Variants in EIF4G1 observed in about 807,000 individuals in gnomAD.
EIF4G1 encodes EIF4-gamma.
In EIF4G1, 4 loss-of-function variants were observed where a neutral mutation model predicts 187.8. The observed-to-expected ratio is 0.02, with a 90% confidence interval of 0.01 to 0.05. EIF4G1 has a LOEUF of 0.05. EIF4G1 is among the 10% of genes least tolerant of loss of function. The pLI, the probability that EIF4G1 is intolerant of heterozygous loss-of-function variation, is 1.00. For synonymous variants in EIF4G1, 844 were observed against 781.4 expected (o/e 1.08, Z -1.34); for missense variants, 1,647 against 2,081.1 (o/e 0.79, Z 4.06).
Position 184,326,891 on chromosome 3 carries a change from T to C in EIF4G1, c.3336T>C (p.Ala1112=). 1 of 1,614,248 alleles carries C rather than the reference T, an allele frequency of 6.2e-7. No homozygotes were observed. ...GAKPSDAASE[A]ARPATSTLNR... Reference sequence around the variant, plus strand: ...TTTCTGCATCCCCAGCATCAGAAGCTGCTCGCCCAGCTACTAGTACTTTGA... The same window carrying C: ...TTTCTGCATCCCCAGCATCAGAAGCCGCTCGCCCAGCTACTAGTACTTTGA... Residue 1112 remains alanine, a synonymous_variant, in exon 23 of 33, where the codon GCT becomes GCC. Transcript: ENST00000346169.
intron 6 of EIF4G1, among the ~76,000 whole-genome samples, chr3:184,318,853 C>A (rs1283153410): frequency 2.6e-5 from 4 of 152,128 alleles, no homozygotes; most frequent in African/African-American, 9.7e-5. Context: ...GATCCACCTG[C>A]CTCAGCCTCC....
At chr3:184,333,866 G>A (rs548076694) in intron 32 of EIF4G1, among the ~76,000 whole-genome samples, 3 of 152,214 alleles carry the variant, frequency 2.0e-5, no homozygotes, top group Non-Finnish European at 4.4e-5. Context: ...GGGTGGGTAT[G>A]TGTGGGATTT....
rs745578162 is a variant in EIF4G1, at chr3:184,327,374, A to C, written c.3587A>C (p.Glu1196Ala). Reference protein sequence around the residue: ...FSKEVEERSRERPSQPEGLRK... With the variant: ...FSKEVEERSRARPSQPEGLRK... ...AAGGAAGTGGAGGAGCGGAGTAGAG[A>C]ACGGCCCTCCCAGCCTGAGGGGCTG... Residue 1196 changes from glutamate to alanine, a missense_variant, in exon 24 of 33, where the codon GAA (glutamate) becomes GCA (alanine). Physicochemically the swap from Glu to Ala is moderately radical, Grantham distance 107. Transcript: ENST00000346169. 1 of 1,613,572 alleles carries C rather than the reference A, an allele frequency of 6.2e-7. No individual in the cohort carries two copies. Among genetic ancestry groups the C allele is most frequent in the South Asian group, 1.1e-5 (1 of 91,076 alleles).
intron 3 of EIF4G1, 114 bp from the exon 4 acceptor site, chr3:184,316,018 G>T: frequency 6.5e-7 from 1 of 1,546,268 alleles, no homozygotes; most frequent in Non-Finnish European, 8.7e-7. Flanking sequence ...ACGGGGAGGG[G>T]GTATGTGGAT....
chr3:184,317,337 G>A lies in EIF4G1; in HGVS notation c.164G>A (p.Arg55Gln). ...SQPRQHFYPS[R>Q]AQPPSSAASR... ...TCCTGACAGCACTTCTACCCTAGCC[G>A]GGCCCAGCCCCCGAGCAGTGCAGCC... The change falls in exon 5 of 33, where the codon CGG (arginine) becomes CAG (glutamine). Residue 55 changes from arginine (R) to glutamine (Q), a missense_variant. Around this residue, in one of 11 missense-constraint regions of EIF4G1, gnomAD observed 139 missense variants for 187.3 expected, o/e 0.74. Transcript: ENST00000346169. The A allele has an allele frequency of 1.9e-6, 3 of 1,614,032 alleles. No homozygotes were observed. Among genetic ancestry groups the A allele is most frequent in the Non-Finnish European group, 2.5e-6 (3 of 1,180,024 alleles).
At chr3:184,333,928 T>C (rs1726614928) in intron 32 of EIF4G1, among the ~76,000 whole-genome samples, 1 of 152,092 alleles carries the variant, frequency 6.6e-6, no homozygotes, top group African/African-American at 2.4e-5. Flanking sequence ...GGCCCATTGC[T>C]ATGGGGTGGG....
In EIF4G1 at chr3:184,328,748, G is replaced by A; in HGVS notation, c.4071G>A (p.Glu1357=). 2 of 1,614,190 alleles carry A rather than the reference G, an allele frequency of 1.2e-6. No individual in the cohort carries two copies. The highest frequency in any genetic ancestry group is 1.7e-6 in the Non-Finnish European group (2 of 1,180,038). The stretch of plus-strand genomic sequence containing the variant: ...AGGAAGGTGGGGTGCCCATGGGGGA[G>A]CTGTTCAGGTAAGTCCCCCTGGGTG... The part of the protein sequence containing the change: ...ILQEGGVPMG[E]LFREITKPLR... Residue 1357 remains glutamate (E), a synonymous_variant, in exon 27 of 33, where the codon GAG becomes GAA. Coordinates refer to ENST00000346169, the MANE Select transcript of EIF4G1 (RefSeq NM_198241.3).
At chr3:184,317,917 T>C (rs1448402713) in intron 6 of EIF4G1, 101 bp downstream of exon 6, 2 of 902,290 alleles carry the variant, frequency 2.2e-6, no homozygotes, top group Non-Finnish European at 3.6e-6. Context: ...GCTTGGCTTC[T>C]GGTCTAAAAA....
chr3:184,315,732 C>T, intron 2 of EIF4G1, 31 bp from the exon 3 acceptor site: 3 of 1,523,330 alleles, frequency 2.0e-6, no homozygotes, highest in Non-Finnish European at 2.7e-6. Flanking sequence ...TGGGTCCCTT[C>T]CTCTTCCTGA....
chr3:184,319,674 C>G lies in EIF4G1; in HGVS notation c.425-15C>G. 2 of 1,502,836 alleles carry G rather than the reference C, an allele frequency of 1.3e-6. No homozygotes were observed. The highest frequency in any genetic ancestry group is 2.4e-5 in the South Asian group (2 of 84,308). 93.1% of individuals were successfully genotyped at this position (1,502,836 alleles called of 1,614,324 possible). ...TGACGCTACCACCATTCTTCTCCGT[C>G]CCCCCTCCCCCAAGCTGGCGCCTAC... is the stretch of plus-strand genomic sequence containing the variant. On this transcript the variant is annotated splice_polypyrimidine_tract_variant and intron_variant, in intron 6 of 32. Coordinates refer to ENST00000346169, the MANE Select transcript of EIF4G1 (RefSeq NM_198241.3).
At position 184,327,920 on chromosome 3, in the gene EIF4G1, G is replaced by T. The variant is rs201890970; in HGVS notation, c.3871G>T (p.Ala1291Ser). 8.1e-6 allele frequency: 13 copies of T among 1,613,154 alleles called. No homozygotes were observed. The Admixed American group carries it at 2.0e-4, about 25-fold the overall frequency. The change falls in exon 26 of 33, where the codon GCC (alanine) becomes TCC (serine). Residue 1291 changes from alanine (A) to serine (S), a missense_variant. This residue lies in a region of EIF4G1 where 543 missense variants were observed against 638.0 expected (regional missense o/e 0.85). Coordinates refer to ENST00000346169, the MANE Select transcript of EIF4G1 (RefSeq NM_198241.3). Reference sequence around the variant, plus strand: ...TGTCGAGTCTACGCTGGAGCGCAGTGCCATTGCTCGTGAGCATATGGGGCA... The same window carrying T: ...TGTCGAGTCTACGCTGGAGCGCAGTTCCATTGCTCGTGAGCATATGGGGCA... ...HGVESTLERS[A>S]IAREHMGQLL...
chr3:184,329,010 C>G lies in EIF4G1; in HGVS notation c.4161+20C>G. The G allele has an allele frequency of 6.2e-7, 1 of 1,613,692 alleles. No homozygotes were observed. Among genetic ancestry groups the G allele is most frequent in the South Asian group, 1.1e-5 (1 of 91,016 alleles). On this transcript the variant is annotated intron_variant, in intron 28 of 32. Coordinates refer to ENST00000346169, the MANE Select transcript of EIF4G1 (RefSeq NM_198241.3). ...AGCATGGTGAGTGAGGGCCAGGAGT[C>G]CAGAGATGCCTCCCACGGTGTGGTT...
Position 184,323,699 on chromosome 3 carries a change from A to AGTGGTG in EIF4G1, c.2275-81_2275-80insGTGGTG, listed in dbSNP as rs1724321360. 6.2e-7 allele frequency: 1 copy of AGTGGTG among 1,609,638 alleles called. No homozygotes were observed. Among genetic ancestry groups the AGTGGTG allele is most frequent in the Non-Finnish European group, 8.5e-7 (1 of 1,178,146 alleles). On this transcript the variant is annotated intron_variant, in intron 15 of 32. Coordinates refer to ENST00000346169, the MANE Select transcript of EIF4G1 (RefSeq NM_198241.3). This position sits in a 1 kb window ranked among gnomAD's most constrained non-coding sequence, Gnocchi z 6.9. The stretch of plus-strand genomic sequence containing the variant: ...CTTATCACTAGCATCTGTCATGCCT[A>AGTGGTG]AGTCCCCACCACCCTCTCCTGTCCC...
chr3:184,326,347 G>C (rs910386664), intron 21 of EIF4G1, among the ~76,000 whole-genome samples, 180 bp from the exon 22 acceptor site: 3 of 152,222 alleles, frequency 2.0e-5, no homozygotes, highest in African/African-American at 4.8e-5. Flanking sequence ...ATCATCTACA[G>C]CTGGTTTCAT....
At chr3:184,326,385 A>C in intron 21 of EIF4G1, 142 bp from the exon 22 acceptor site, 1 of 798,988 alleles carries the variant, frequency 1.3e-6, no homozygotes, top group East Asian at 2.6e-5. Context: ...GAGTAGTTGC[A>C]ATAGAGACTG....
chr3:184,320,788 C>T (rs1055156497), intron 8 of EIF4G1, 66 bp downstream of exon 8: 3 of 1,610,688 alleles, frequency 1.9e-6, no homozygotes, highest in East Asian at 2.2e-5. Flanking sequence ...TCCCAAGTCC[C>T]TGGATCTTTT....
intron 4 of EIF4G1, chr3:184,316,657 C>T: frequency 1.3e-6 from 2 of 1,533,544 alleles, no homozygotes; most frequent in South Asian, 2.3e-5. Context: ...TCATTCCCTC[C>T]CCCCGCCATC....
intron 6 of EIF4G1, chr3:184,319,475 G>GTT (rs1723454615): frequency 4.6e-6 from 2 of 430,284 alleles, no homozygotes; most frequent in Non-Finnish European, 8.6e-6. Flanking sequence ...GTTTGTGTGT[G>GTT]TGTGTGTGTT....
chr3:184,327,776 G>T (rs1408851828), intron 25 of EIF4G1, 54 bp from the exon 26 acceptor site: 1 of 1,613,754 alleles, frequency 6.2e-7, no homozygotes, highest in Non-Finnish European at 8.5e-7. Context: ...TAGGGGTCCG[G>T]GGTCTGGGTC....
Sources: gnomAD v4.1 joint callset for allele counts (sites outside exome capture counted in the v4.1 genomes callset) on GRCh38, gnomAD v4.1.1 for gene constraint, gnomAD v4.1.1 regional missense constraint, Gnocchi (gnomAD v3.1) non-coding constraint, MANE v1.5 for transcripts, NCBI Gene and HGNC (gene_info 2026-07-23, HGNC 2026-07-21) for gene names.